The following GPC5 variants were observed in gnomAD, a reference collection of about 807,000 sequenced individuals.
GPC5 encodes the protein glypican 5.
A neutral mutation model predicts 53.9 loss-of-function variants in GPC5; 47 were observed. The observed-to-expected ratio is 0.87, with a 90% CI of 0.69 to 1.11. The LOEUF (loss-of-function observed/expected upper bound fraction) is 1.11, where lower values mean the gene tolerates loss of function less well. Among genes scored for constraint, GPC5 ranks in the 50% most tolerant of loss-of-function variants. The pLI is 0.00. For missense variants in GPC5, 748 were observed against 713.1 expected (o/e 1.05, Z -0.56); for synonymous variants, 286 against 263.3 (o/e 1.09, Z -0.84).
intron 5 of GPC5, among the ~76,000 whole-genome samples, chr13:91,793,382 A>G (rs2037999099): frequency 6.6e-6 from 1 of 152,178 alleles, no homozygotes; most frequent in Non-Finnish European, 1.5e-5. Context: ...ATTCAAGATG[A>G]GATTTGGGTG....
At chr13:92,734,884 C>T (rs1888897862) in intron 7 of GPC5, among the ~76,000 whole-genome samples, 1 of 151,804 alleles carries the variant, frequency 6.6e-6, no homozygotes, top group Non-Finnish European at 1.5e-5. Context: ...CTCTATTTTT[C>T]ATAAAATTAT....
At chr13:91,492,013 GT>G (rs1566446197) in intron 2 of GPC5, among the ~76,000 whole-genome samples, 1 of 152,072 alleles carries the variant, frequency 6.6e-6, no homozygotes, top group Non-Finnish European at 1.5e-5. Flanking sequence ...TTAGCAATTA[GT>G]TTTTTTCTCT....
chr13:92,613,335 A>ATAATATATTTATATATAAATATATT (rs1566320049), intron 7 of GPC5, among the ~76,000 whole-genome samples: 2 of 102,140 alleles, frequency 2.0e-5, no homozygotes, highest in African/African-American at 8.6e-5. Context: ...TATATAATAT[A>ATAATATATTTATATATAAATATATT]ATATATTTAT....
intron 7 of GPC5, among the ~76,000 whole-genome samples, chr13:92,521,900 G>A (rs1881065056): frequency 6.6e-6 from 1 of 152,020 alleles, no homozygotes; most frequent in Admixed American, 6.6e-5. Flanking sequence ...CTAATATCCA[G>A]AATCTACAAA....
At chr13:91,553,480 AAAATGAGTTTTCT>A (rs2138843769) in intron 2 of GPC5, among the ~76,000 whole-genome samples, 1 of 152,224 alleles carries the variant, frequency 6.6e-6, no homozygotes, top group Admixed American at 6.5e-5. Context: ...TTTAGGAATA[AAAATGAGTTTTCT>A]AAATGAGTTT....
At chr13:91,992,047 T>C (rs1442332832) in intron 6 of GPC5, among the ~76,000 whole-genome samples, 2 of 152,208 alleles carry the variant, frequency 1.3e-5, no homozygotes, top group Non-Finnish European at 2.9e-5. Context: ...TTTTTAATTT[T>C]TATTTTTTGA....
In GPC5 at chr13:91,431,619, G is replaced by A. The variant is rs180998002; in HGVS notation, c.164-17142G>A. 4.7e-3 allele frequency among the ~76,000 whole-genome samples: 709 copies of A among 152,218 alleles called. 4 individuals are homozygous for A. Among genetic ancestry groups the A allele is most frequent in the African/African-American group, 0.016 (659 of 41,526 alleles). On this transcript the variant is annotated intron_variant, in intron 1 of 7. Transcript: ENST00000377067. ...CTGTGTTACAATTATAAATTCCCAG[G>A]TGAAAAAATCCAATTGGTTCTGTCT...
chr13:92,847,776 A>AT (rs373155678), intron 7 of GPC5, among the ~76,000 whole-genome samples: 1 of 151,986 alleles, frequency 6.6e-6, no homozygotes, highest in Non-Finnish European at 1.5e-5. Context: ...GTTCTATAGG[A>AT]TTTTTTTATT....
chr13:91,876,011 A>G (rs1273354434), intron 5 of GPC5, among the ~76,000 whole-genome samples: 2 of 152,192 alleles, frequency 1.3e-5, no homozygotes, highest in Non-Finnish European at 2.9e-5. Flanking sequence ...TATTCTCATG[A>G]CAGTGAATAA....
chr13:92,503,983 T>C (rs1330905946), intron 7 of GPC5, among the ~76,000 whole-genome samples: 1 of 151,962 alleles, frequency 6.6e-6, no homozygotes, highest in African/African-American at 2.4e-5. Flanking sequence ...TTGTTTCTAA[T>C]AAAATTTAGG....
intron 2 of GPC5, among the ~76,000 whole-genome samples, chr13:91,647,204 A>T (rs901666047): frequency 2.0e-5 from 3 of 152,096 alleles, no homozygotes; most frequent in African/African-American, 7.2e-5. Flanking sequence ...ACATTAATAA[A>T]TATAATGTGC....
intron 7 of GPC5, among the ~76,000 whole-genome samples, chr13:92,224,555 A>T (rs970171404): frequency 6.6e-6 from 1 of 152,204 alleles, no homozygotes; most frequent in African/African-American, 2.4e-5. Context: ...CCCAAAGCTG[A>T]TAAGAGTGGC....
chr13:92,089,500 C>T (rs1184582338), intron 6 of GPC5, among the ~76,000 whole-genome samples: 1 of 127,980 alleles, frequency 7.8e-6, no homozygotes, highest in African/African-American at 2.6e-5. Context: ...GTATTTCCCA[C>T]ACGGTTTTTT....
intron 3 of GPC5, among the ~76,000 whole-genome samples, chr13:91,712,574 A>G (rs1438072537): frequency 6.6e-6 from 1 of 152,222 alleles, no homozygotes; most frequent in African/African-American, 2.4e-5. Flanking sequence ...CATCACAGTC[A>G]TCAGTGATCT....
intron 7 of GPC5, among the ~76,000 whole-genome samples, chr13:92,390,762 G>A (rs1367806726): frequency 6.6e-6 from 1 of 152,120 alleles, no homozygotes; most frequent in African/African-American, 2.4e-5. Flanking sequence ...AGATGAATAT[G>A]TGTTTTATCA....
chr13:91,968,147 T>A (rs2139086446), intron 6 of GPC5, among the ~76,000 whole-genome samples: 1 of 152,298 alleles, frequency 6.6e-6, no homozygotes, highest in South Asian at 2.1e-4. Context: ...TAGAAATGTG[T>A]CCTTTGTTTA....
chr13:92,631,749 G>C (rs1885246529), intron 7 of GPC5, among the ~76,000 whole-genome samples: 1 of 152,002 alleles, frequency 6.6e-6, no homozygotes, highest in African/African-American at 2.4e-5. Flanking sequence ...GAAATTTTGG[G>C]GGTGTCAATA....
intron 7 of GPC5, among the ~76,000 whole-genome samples, chr13:92,849,187 G>A (rs1878709699): frequency 6.6e-6 from 1 of 152,156 alleles, no homozygotes; most frequent in South Asian, 2.1e-4. Context: ...TTCTCCTCAT[G>A]TGTGTGGTGC....
intron 7 of GPC5, among the ~76,000 whole-genome samples, chr13:92,290,756 C>T (rs113812472): frequency 6.6e-5 from 10 of 152,192 alleles, no homozygotes; most frequent in African/African-American, 1.7e-4. Context: ...TCGCTCTCGG[C>T]GCCTCCTCTG....
Sources: gnomAD v4.1 joint callset for allele counts (sites outside exome capture counted in the v4.1 genomes callset) on GRCh38, gnomAD v4.1.1 for gene constraint, MANE v1.5 for transcripts, NCBI Gene and HGNC (gene_info 2026-07-23, HGNC 2026-07-21) for gene names.